Variants in TMEM154 observed in about 807,000 individuals in gnomAD.
TMEM154 encodes the protein transmembrane protein 154.
In TMEM154, 27 loss-of-function variants were observed where a neutral mutation model predicts 24.5. The observed-to-expected ratio is 1.10, with a 90% CI of 0.81 to 1.52. The LOEUF (loss-of-function observed/expected upper bound fraction) is 1.52. TMEM154 is among the 40% of genes most tolerant of loss of function. The pLI is 0.00. For synonymous variants in TMEM154, 67 were observed against 76.8 expected (o/e 0.87, Z 0.67); for missense variants, 228 against 213.4 (o/e 1.07, Z -0.43).
intron 1 of TMEM154, among the ~76,000 whole-genome samples, chr4:152,658,891 G>T (rs1579528126): frequency 6.6e-6 from 1 of 152,010 alleles, no homozygotes; most frequent in Admixed American, 6.6e-5. Context: ...CAGAGATAAG[G>T]GAACTCTTAC....
In TMEM154 at chr4:152,656,836, G is replaced by A. The variant is rs569228446; in HGVS notation, c.65-3909C>T. 7.2e-5 allele frequency among the ~76,000 whole-genome samples: 11 copies of A among 151,814 alleles called. No individual in the cohort carries two copies. The South Asian group carries it at 1.2e-3, about 17-fold the overall frequency. On this transcript the variant is annotated intron_variant, in intron 1 of 6. Coordinates refer to ENST00000304385, the MANE Select transcript of TMEM154 (RefSeq NM_152680.3). ...CTCAGGAGGCTGAGGCAGGAGAATC[G>A]TTTGAACCTGGGAGGTGGAGGTTGC... is the stretch of plus-strand genomic sequence containing the variant.
At chr4:152,647,934 C>G (rs567678404) in intron 3 of TMEM154, among the ~76,000 whole-genome samples, 2 of 152,246 alleles carry the variant, frequency 1.3e-5, no homozygotes, top group African/African-American at 4.8e-5. Flanking sequence ...TGGTTTGAGT[C>G]TGGACTCTCA....
intron 6 of TMEM154, among the ~76,000 whole-genome samples, chr4:152,631,266 A>T (rs1477533853): frequency 6.6e-6 from 1 of 152,062 alleles, no homozygotes; most frequent in Non-Finnish European, 1.5e-5. Context: ...ATTGAATATT[A>T]TTATTTTCTT....
intron 6 of TMEM154, among the ~76,000 whole-genome samples, chr4:152,630,440 C>T (rs1340199215): frequency 6.6e-6 from 1 of 151,480 alleles, no homozygotes; most frequent in Non-Finnish European, 1.5e-5. Flanking sequence ...CCCTGAATAA[C>T]TTTTAAATTA....
chr4:152,664,854 G>C (rs757224083), intron 1 of TMEM154, among the ~76,000 whole-genome samples: 1 of 152,172 alleles, frequency 6.6e-6, no homozygotes, highest in Non-Finnish European at 1.5e-5. Flanking sequence ...CCTGCGTTGT[G>C]GAGTAACTGA....
intron 1 of TMEM154, among the ~76,000 whole-genome samples, chr4:152,653,520 G>C (rs914151326): frequency 1.4e-4 from 21 of 151,480 alleles, no homozygotes; most frequent in Non-Finnish European, 1.9e-4. Flanking sequence ...CTCCAGAGTA[G>C]CTGGGATTAC....
intron 1 of TMEM154, among the ~76,000 whole-genome samples, chr4:152,656,698 G>A (rs528619885): frequency 3.3e-5 from 5 of 152,074 alleles, no homozygotes; most frequent in African/African-American, 1.2e-4. Context: ...GAGGCAGGTG[G>A]ATCACCTGAG....
intron 1 of TMEM154, among the ~76,000 whole-genome samples, chr4:152,662,712 T>C (rs1728636627): frequency 6.6e-6 from 1 of 152,150 alleles, no homozygotes; most frequent in Non-Finnish European, 1.5e-5. Context: ...AAAGAAACAC[T>C]GACTAAGGCC....
chr4:152,644,600 A>G (rs1237968808), intron 3 of TMEM154, among the ~76,000 whole-genome samples, 158 bp from the exon 4 acceptor site: 1 of 152,234 alleles, frequency 6.6e-6, no homozygotes, highest in Admixed American at 6.5e-5. Flanking sequence ...AGAAGTGTGG[A>G]TTGCCATATT....
In TMEM154 at chr4:152,644,213, T is replaced by G. The variant is rs571735732; in HGVS notation, c.392+202A>C. Among the ~76,000 whole-genome samples the G allele has an allele frequency of 2.6e-5, 4 of 152,312 alleles. No individual in the cohort carries two copies. The South Asian group carries it at 6.2e-4, about 24-fold the overall frequency. ...AATAAAACAGATGCCAAGCTGTCTT[T>G]GCCCAGATCACACTCACACGCTGGA... On this transcript the variant is annotated intron_variant, in intron 4 of 6. Transcript: ENST00000304385.
chr4:152,675,816 G>A (rs1219683536), intron 1 of TMEM154, among the ~76,000 whole-genome samples: 1 of 152,132 alleles, frequency 6.6e-6, no homozygotes, highest in Non-Finnish European at 1.5e-5. Flanking sequence ...AACTACATAC[G>A]AATAGGCAAG....
In TMEM154 at chr4:152,628,362, A is replaced by T; in HGVS notation, c.*184T>A. On this transcript the variant is annotated 3_prime_UTR_variant, in exon 7 of 7. Coordinates refer to ENST00000304385, the MANE Select transcript of TMEM154 (RefSeq NM_152680.3). Reference sequence around the variant, plus strand: ...TTTTCCTAGTACTTCTCAATTGCACATTCTTCCAAGTGCAAGTGATGCCAT... The same window carrying T: ...TTTTCCTAGTACTTCTCAATTGCACTTTCTTCCAAGTGCAAGTGATGCCAT... 9.7e-7 allele frequency: 1 copy of T among 1,034,774 alleles called. No homozygotes were observed. The highest frequency in any genetic ancestry group is 1.5e-6 in the Non-Finnish European group (1 of 685,368). The allele number at this position is 1,034,774 out of a possible 1,614,324, so 64.1% of individuals were successfully genotyped here. A position where few individuals can be genotyped will look rare whatever the true frequency, so the allele number is the denominator to read the frequency against.
intron 1 of TMEM154, 83 bp downstream of exon 1, chr4:152,679,786 TC>T: frequency 6.5e-6 from 10 of 1,539,924 alleles, no homozygotes; most frequent in Non-Finnish European, 8.8e-6. Flanking sequence ...GGTGTCACCC[TC>T]CCCGGCAGAG....
At chr4:152,645,712 T>C (rs570396706) in intron 3 of TMEM154, among the ~76,000 whole-genome samples, 2 of 152,338 alleles carry the variant, frequency 1.3e-5, no homozygotes, top group South Asian at 4.1e-4. Context: ...AGCAGACACC[T>C]GGAACTGAGT....
chr4:152,630,247 G>A (rs1322182390), intron 6 of TMEM154, among the ~76,000 whole-genome samples: 1 of 143,440 alleles, frequency 7.0e-6, no homozygotes, highest in Non-Finnish European at 1.5e-5. Context: ...TACCGTTCGA[G>A]GCTGTAGTGA....
chr4:152,679,823 G>A, intron 1 of TMEM154, 47 bp downstream of exon 1: 1 of 1,580,372 alleles, frequency 6.3e-7, no homozygotes, highest in South Asian at 1.2e-5. Flanking sequence ...CACCCTACCA[G>A]CTTTTGCGAT....
At chr4:152,655,903 A>G (rs969009496) in intron 1 of TMEM154, among the ~76,000 whole-genome samples, 1 of 152,056 alleles carries the variant, frequency 6.6e-6, no homozygotes, top group Admixed American at 6.5e-5. Context: ...CAGCTACTGC[A>G]TGCCCCACCA....
At chr4:152,641,008 T>C (rs1025126693) in intron 5 of TMEM154, 23 bp from the exon 6 acceptor site, 2 of 1,597,344 alleles carry the variant, frequency 1.3e-6, no homozygotes, top group African/African-American at 2.7e-5. Context: ...AAAAGCAAAC[T>C]CATTGTTAGT....
At chr4:152,665,945 G>A (rs989519697) in intron 1 of TMEM154, among the ~76,000 whole-genome samples, 1 of 151,930 alleles carries the variant, frequency 6.6e-6, no homozygotes, top group Non-Finnish European at 1.5e-5. Flanking sequence ...GCGCCACCAC[G>A]CCTGACTAAT....
Sources: allele counts gnomAD v4.1 joint callset (sites outside exome capture counted in the v4.1 genomes callset), GRCh38; gene constraint gnomAD v4.1.1; transcripts MANE v1.5; gene names NCBI Gene and HGNC (gene_info 2026-07-23, HGNC 2026-07-21).